RNF149: variants seen among roughly 807,000 people sequenced by gnomAD.
RNF149 encodes the protein ring finger protein 149.
RNF149 carries 21 observed loss-of-function variants against 39.0 expected under a neutral mutation model. The observed-to-expected ratio is 0.54, with a 90% CI of 0.38 to 0.77. RNF149 has a LOEUF of 0.77. Ranked by LOEUF, RNF149 falls within the 30% of genes least tolerant of loss-of-function variation. The probability of loss-of-function intolerance (pLI) is 0.00; values close to 1 mark genes in which losing one functional copy is unlikely to be tolerated. For synonymous variants in RNF149, 209 were observed against 213.6 expected (o/e 0.98, Z 0.19); for missense variants, 493 against 534.9 (o/e 0.92, Z 0.77).
At chr2:101,304,382 G>A (rs1181633515) in intron 1 of RNF149, among the ~76,000 whole-genome samples, 1 of 152,138 alleles carries the variant, frequency 6.6e-6, no homozygotes, top group Non-Finnish European at 1.5e-5. Flanking sequence ...GGGTGACAGA[G>A]CAAGACCTTG....
At position 101,294,988 on chromosome 2, in the gene RNF149, C is replaced by A. The variant is rs1285023404; in HGVS notation, c.654G>T (p.Trp218Cys). 1.2e-6 allele frequency: 2 copies of A among 1,613,822 alleles called. No homozygotes were observed. The highest frequency in any genetic ancestry group is 2.2e-5 in the East Asian group (1 of 44,890). ...AACGCTGTATATAGTAAAATATTAGCCAGGCTAACGAGATAATCATCATGG... is the reference window on the plus strand; with the variant it reads ...AACGCTGTATATAGTAAAATATTAGACAGGCTAACGAGATAATCATCATGG... ...FITMMIISLAWLIFYYIQRFL... is the reference protein window; with the variant it reads ...FITMMIISLACLIFYYIQRFL... The change falls in exon 2 of 7, where the codon TGG (tryptophan) becomes TGT (cysteine). Residue 218 changes from tryptophan to cysteine, a missense_variant. Physicochemically the swap from Trp to Cys is radical, Grantham distance 215 (BLOSUM62 -2). Coordinates refer to ENST00000295317, the MANE Select transcript of RNF149 (RefSeq NM_173647.4).
chr2:101,278,946 C>A (rs772130382), intron 6 of RNF149, among the ~76,000 whole-genome samples: 2 of 152,204 alleles, frequency 1.3e-5, no homozygotes, highest in Non-Finnish European at 2.9e-5. Flanking sequence ...TGAGTAACTT[C>A]CACATTCATT....
Position 101,282,061 on chromosome 2 carries a change from G to C in RNF149, c.961-4C>G, listed in dbSNP as rs1682614677. The C allele has an allele frequency of 6.2e-7, 1 of 1,613,668 alleles. No homozygotes were observed. Among genetic ancestry groups the C allele is most frequent in the African/African-American group, 1.3e-5 (1 of 74,890 alleles). Reference sequence around the variant, plus strand: ...CCTGTACATCCCCAGGCTCTCCCTTGAGAATTAGAACAGAAGAAAAAACAT... The same window carrying C: ...CCTGTACATCCCCAGGCTCTCCCTTCAGAATTAGAACAGAAGAAAAAACAT... On this transcript the variant is annotated splice_region_variant and splice_polypyrimidine_tract_variant and intron_variant, in intron 5 of 6. Transcript: ENST00000295317.
At chr2:101,303,335 C>T (rs1683530793) in intron 1 of RNF149, among the ~76,000 whole-genome samples, 1 of 150,810 alleles carries the variant, frequency 6.6e-6, no homozygotes, top group African/African-American at 2.4e-5. Flanking sequence ...CCATGTTGGC[C>T]AGGCCAGTCT....
rs1683175257 is a variant in RNF149, at chr2:101,295,199, G to T, written c.461-18C>A. On this transcript the variant is annotated intron_variant, in intron 1 of 6. Coordinates refer to ENST00000295317, the MANE Select transcript of RNF149 (RefSeq NM_173647.4). ...TCCTGTTCCTGTAGGAAAGAACAAA[G>T]AAATCAATGTGAAGAACACAAAATA... The T allele has an allele frequency of 1.2e-6, 2 of 1,602,904 alleles. No individual in the cohort carries two copies. Among genetic ancestry groups the T allele is most frequent in the South Asian group, 1.1e-5 (1 of 90,562 alleles).
intron 2 of RNF149, chr2:101,294,283 C>G (rs1683135988): frequency 4.4e-6 from 2 of 451,030 alleles, no homozygotes; most frequent in Non-Finnish European, 7.9e-6. Flanking sequence ...AGCCCCCTAA[C>G]AACAAAAGCC....
intron 3 of RNF149, among the ~76,000 whole-genome samples, chr2:101,291,929 C>CT (rs1311755828): frequency 8.5e-5 from 13 of 152,218 alleles, no homozygotes; most frequent in African/African-American, 3.1e-4. Flanking sequence ...ACTGAATCCA[C>CT]TGTAAGTTGA....
rs1682363912 is a variant in RNF149 at position 101,276,873 on chromosome 2, G to A, written c.*365C>T. The A allele has an allele frequency of 4.9e-6, 5 of 1,017,332 alleles. No individual in the cohort carries two copies. The South Asian group carries it at 1.4e-4, about 29-fold the overall frequency. 63.0% of individuals were successfully genotyped at this position (1,017,332 alleles called of 1,614,324 possible). A position where few individuals can be genotyped will look rare whatever the true frequency, so the allele number is the denominator to read the frequency against. ...CCACTTCAACTAGTCTAACATTGATGTGCTTTGCCAAAAACCTTGAAAAAT... is the reference window on the plus strand; with the variant it reads ...CCACTTCAACTAGTCTAACATTGATATGCTTTGCCAAAAACCTTGAAAAAT... On this transcript the variant is annotated 3_prime_UTR_variant, in exon 7 of 7. Coordinates refer to ENST00000295317, the MANE Select transcript of RNF149 (RefSeq NM_173647.4).
At chr2:101,293,184 T>A (rs1390135663) in intron 3 of RNF149, among the ~76,000 whole-genome samples, 1 of 152,098 alleles carries the variant, frequency 6.6e-6, no homozygotes, top group Admixed American at 6.6e-5. Flanking sequence ...TTATTTTTGC[T>A]TTAATCCTTT....
chr2:101,273,845 AAC>A (rs1682232215), downstream of RNF149, among the ~76,000 whole-genome samples: 3 of 152,244 alleles, frequency 2.0e-5, no homozygotes, highest in South Asian at 2.1e-4. Flanking sequence ...CAAAGTACTG[AAC>A]AGTTTTCTTC....
chr2:101,290,191 A>G (rs961068724), intron 3 of RNF149, among the ~76,000 whole-genome samples: 15 of 152,200 alleles, frequency 9.9e-5, no homozygotes, highest in African/African-American at 3.1e-4. Context: ...AAAACAAAAC[A>G]AAAAAAGGAA....
At chr2:101,288,005 T>TA (rs1682860644) in intron 4 of RNF149, among the ~76,000 whole-genome samples, 1 of 152,144 alleles carries the variant, frequency 6.6e-6, no homozygotes, top group African/African-American at 2.4e-5. Flanking sequence ...AGTATCCCAT[T>TA]ACTTTTTTTG....
chr2:101,290,163 A>G (rs1414752470), intron 3 of RNF149, among the ~76,000 whole-genome samples: 1 of 152,242 alleles, frequency 6.6e-6, no homozygotes, highest in African/African-American at 2.4e-5. Flanking sequence ...CTGGTGACAC[A>G]GCGAGACTCC....
At position 101,308,415 on chromosome 2, in the gene RNF149, G is replaced by T. The variant is rs1450718933; in HGVS notation, c.174C>A (p.Val58=). ...DPQTNLTVWS[V]SESGRFGDSS... ...TGTCGCCGAAGCGGCCACTCTCCGA[G>T]ACGCTCCACACCGTCAGGTTGGTCT... Residue 58 remains valine, a synonymous_variant, in exon 1 of 7, where the codon GTC becomes GTA. Coordinates refer to ENST00000295317, the MANE Select transcript of RNF149 (RefSeq NM_173647.4). 1 of 1,611,380 alleles carries T rather than the reference G, an allele frequency of 6.2e-7. No homozygotes were observed. Among genetic ancestry groups the T allele is most frequent in the Admixed American group, 1.7e-5 (1 of 59,978 alleles).
chr2:101,292,681 G>A (rs1683062238), intron 3 of RNF149, among the ~76,000 whole-genome samples: 1 of 152,166 alleles, frequency 6.6e-6, no homozygotes. Flanking sequence ...CAGGAGAATG[G>A]CGTGAACCCG....
downstream of RNF149, among the ~76,000 whole-genome samples, chr2:101,275,111 GTTTTTTTTTTTTTT>G (rs1165388203): frequency 2.0e-5 from 1 of 51,056 alleles, no homozygotes; most frequent in Non-Finnish European, 3.2e-5. Context: ...TAGTATTTCT[GTTTTTTTTTTTTTT>G]TTTTTTTTTT....
Position 101,286,178 on chromosome 2 carries a change from C to T in RNF149, c.864-1G>A. ...AATGCATATTCTATGAAAAATATGC[C>T]TAAAAAGATTAAGTATGTGTTAATG... is the stretch of plus-strand genomic sequence containing the variant. On this transcript the variant is annotated splice_acceptor_variant, in intron 4 of 6. Transcript: ENST00000295317. LOFTEE classifies it high-confidence loss of function. The T allele has an allele frequency of 6.4e-7, 1 of 1,550,480 alleles. No homozygotes were observed. Among genetic ancestry groups the T allele is most frequent in the African/African-American group, 1.4e-5 (1 of 73,672 alleles).
chr2:101,291,359 C>G (rs994935894), intron 3 of RNF149, among the ~76,000 whole-genome samples: 3 of 151,986 alleles, frequency 2.0e-5, no homozygotes, highest in African/African-American at 7.2e-5. Context: ...CCATGTTGGC[C>G]AAGCTGGTCT....
Position 101,308,271 on chromosome 2 carries a change from G to A in RNF149, c.318C>T (p.Ala106=). 1 of 1,577,926 alleles carries A rather than the reference G, an allele frequency of 6.3e-7. No individual in the cohort carries two copies. The highest frequency in any genetic ancestry group is 8.6e-7 in the Non-Finnish European group (1 of 1,164,268). The change falls in exon 1 of 7, where the codon GCC becomes GCT. Residue 106 remains alanine, a synonymous_variant. Coordinates refer to ENST00000295317, the MANE Select transcript of RNF149 (RefSeq NM_173647.4). ...FFVPEPGGRG[A]APWVALVARG... Reference sequence around the variant, plus strand: ...GAGCCACCAGGGCGACCCAGGGCGCGGCCCCTCGGCCGCCGGGCTCGGGCA... The same window carrying A: ...GAGCCACCAGGGCGACCCAGGGCGCAGCCCCTCGGCCGCCGGGCTCGGGCA...
Sources: allele counts gnomAD v4.1 joint callset (sites outside exome capture counted in the v4.1 genomes callset), GRCh38; gene constraint gnomAD v4.1.1; transcripts MANE v1.5; gene names NCBI Gene and HGNC (gene_info 2026-07-23, HGNC 2026-07-21).